TBC1D5: variants seen among roughly 807,000 people sequenced by gnomAD.
The protein encoded by TBC1D5 is TBC1 domain family member 5.
TBC1D5 carries 75 observed loss-of-function variants against 100.3 expected under a neutral mutation model. The ratio of observed to expected loss-of-function variants is 0.75; its 90% CI spans 0.62 to 0.91. The LOEUF (loss-of-function observed/expected upper bound fraction) is 0.91, where lower values mean the gene tolerates loss of function less well. Among genes scored for constraint, TBC1D5 ranks in the 40% least tolerant of loss-of-function variants. TBC1D5 has a pLI of 0.00. For missense variants in TBC1D5, 910 were observed against 942.4 expected, an observed-to-expected ratio of 0.97 and a Z score of 0.45; for synonymous variants, 323 against 325.6, an observed-to-expected ratio of 0.99 and a Z score of 0.09.
intron 1 of TBC1D5, among the ~76,000 whole-genome samples, chr3:17,643,828 T>C (rs1314902889): frequency 1.3e-5 from 2 of 152,112 alleles, no homozygotes; most frequent in Non-Finnish European, 2.9e-5. Flanking sequence ...TCATTTTTTA[T>C]TGCAAGTAAT....
chr3:17,338,767 G>A (rs928880953), intron 13 of TBC1D5, among the ~76,000 whole-genome samples: 1 of 152,170 alleles, frequency 6.6e-6, no homozygotes, highest in African/African-American at 2.4e-5. Flanking sequence ...CTTACGTCTT[G>A]TAATTTATTT....
intron 18 of TBC1D5, among the ~76,000 whole-genome samples, chr3:17,193,266 G>T (rs1180980774): frequency 6.6e-6 from 1 of 152,180 alleles, no homozygotes; most frequent in Non-Finnish European, 1.5e-5. Flanking sequence ...GGGCTGCAGG[G>T]CAAGACCACA....
In TBC1D5 at chr3:17,376,665, A is replaced by T. The variant is rs779529701; in HGVS notation, c.613-52T>A. 3.4e-5 allele frequency: 51 copies of T among 1,513,328 alleles called. No homozygotes were observed. The African/African-American group carries it at 6.2e-4, about 19-fold the overall frequency. The allele number at this position is 1,513,328 out of a possible 1,614,324, so 93.7% of individuals were successfully genotyped here. ...AAGAGATGGATACTCAGAGTCCATTAGTGGACAGTATAAACTCAGTTAAAT... is the reference window on the plus strand; with the variant it reads ...AAGAGATGGATACTCAGAGTCCATTTGTGGACAGTATAAACTCAGTTAAAT... On this transcript the variant is annotated intron_variant, in intron 9 of 21. Transcript: ENST00000253692.
At chr3:17,384,151 T>C (rs2093057828) in intron 8 of TBC1D5, 136 bp from the exon 9 acceptor site, 5 of 633,318 alleles carry the variant, frequency 7.9e-6, no homozygotes, top group East Asian at 2.8e-5. Context: ...ACTTATGCCT[T>C]TAGTGGGGAC....
intron 1 of TBC1D5, among the ~76,000 whole-genome samples, chr3:17,675,738 A>C (rs1162120807): frequency 6.6e-6 from 1 of 151,964 alleles, no homozygotes; most frequent in South Asian, 2.1e-4. Flanking sequence ...CAAGAGAGTG[A>C]CAAAGATTTT....
At chr3:17,221,391 C>T (rs555986738) in intron 17 of TBC1D5, among the ~76,000 whole-genome samples, 5 of 152,068 alleles carry the variant, frequency 3.3e-5, no homozygotes, top group African/African-American at 7.2e-5. Flanking sequence ...CCCATTAACT[C>T]GTCATTTAGC....
intron 1 of TBC1D5, among the ~76,000 whole-genome samples, chr3:17,711,046 A>G (rs1195774797): frequency 6.6e-6 from 1 of 152,168 alleles, no homozygotes; most frequent in Admixed American, 6.5e-5. Flanking sequence ...AATCTTTATT[A>G]TAATATCCCT....
intron 21 of TBC1D5, among the ~76,000 whole-genome samples, chr3:17,161,703 T>C (rs769702385): frequency 1.3e-5 from 2 of 152,240 alleles, no homozygotes; most frequent in Non-Finnish European, 2.9e-5. Context: ...TCCTAATGTG[T>C]TGTCATGATA....
chr3:17,591,574 G>A (rs1291741585), intron 2 of TBC1D5, among the ~76,000 whole-genome samples: 1 of 152,126 alleles, frequency 6.6e-6, no homozygotes, highest in African/African-American at 2.4e-5. Flanking sequence ...AGTTAAAGTA[G>A]GGGCTTATGG....
chr3:17,373,154 A>G (rs1309240762), intron 12 of TBC1D5, among the ~76,000 whole-genome samples: 1 of 152,156 alleles, frequency 6.6e-6, no homozygotes, highest in Admixed American at 6.5e-5. Flanking sequence ...GTTAAAAACC[A>G]CTCTTAACTC....
intron 2 of TBC1D5, among the ~76,000 whole-genome samples, chr3:17,608,912 A>T (rs1339701849): frequency 6.6e-6 from 1 of 152,182 alleles, no homozygotes; most frequent in Admixed American, 6.5e-5. Flanking sequence ...GTAGCTGCCA[A>T]AAGTGAGAGC....
intron 17 of TBC1D5, among the ~76,000 whole-genome samples, chr3:17,222,498 T>G (rs898956395): frequency 6.6e-6 from 1 of 152,112 alleles, no homozygotes; most frequent in African/African-American, 2.4e-5. Context: ...TTCTTCCCAT[T>G]TGAATGTTAG....
intron 2 of TBC1D5, among the ~76,000 whole-genome samples, chr3:17,577,560 T>TA (rs1170558523): frequency 6.6e-6 from 1 of 151,940 alleles, no homozygotes; most frequent in East Asian, 1.9e-4. Context: ...TTTATACATT[T>TA]AAAATGAATC....
intron 8 of TBC1D5, among the ~76,000 whole-genome samples, chr3:17,385,163 A>T (rs2093100539): frequency 6.6e-6 from 1 of 152,114 alleles, no homozygotes; most frequent in South Asian, 2.1e-4. Context: ...TGATCAAGAT[A>T]AAATCATGTA....
intron 1 of TBC1D5, among the ~76,000 whole-genome samples, chr3:17,721,034 T>C (rs1294854821): frequency 3.3e-5 from 5 of 151,272 alleles, no homozygotes; most frequent in African/African-American, 1.2e-4. Flanking sequence ...AGAGACAGGG[T>C]TTTGCTATGT....
chr3:17,495,493 T>G (rs2095694665), intron 3 of TBC1D5, among the ~76,000 whole-genome samples: 1 of 152,258 alleles, frequency 6.6e-6, no homozygotes, highest in Non-Finnish European at 1.5e-5. Flanking sequence ...ATCTTGCTTT[T>G]CTGTTTACAG....
At chr3:17,288,048 C>T (rs1456138614) in intron 15 of TBC1D5, among the ~76,000 whole-genome samples, 1 of 152,148 alleles carries the variant, frequency 6.6e-6, no homozygotes, top group Non-Finnish European at 1.5e-5. Context: ...GGAATGATTA[C>T]AGTATTTTTA....
chr3:17,600,939 T>C (rs561631222), intron 2 of TBC1D5, among the ~76,000 whole-genome samples: 2 of 152,328 alleles, frequency 1.3e-5, no homozygotes, highest in South Asian at 4.1e-4. Flanking sequence ...AAGGAAGTGA[T>C]AGTAAATTCA....
At chr3:17,248,229 T>C (rs2076902820) in intron 16 of TBC1D5, among the ~76,000 whole-genome samples, 1 of 152,178 alleles carries the variant, frequency 6.6e-6, no homozygotes, top group Non-Finnish European at 1.5e-5. Flanking sequence ...TGACCTCAGG[T>C]GATCTGCTCG....
Sources: gnomAD v4.1 joint callset for allele counts (sites outside exome capture counted in the v4.1 genomes callset) on GRCh38, gnomAD v4.1.1 for gene constraint, MANE v1.5 for transcripts, NCBI Gene and HGNC (gene_info 2026-07-23, HGNC 2026-07-21) for gene names.